The following FOCAD variants were observed in gnomAD, a reference collection of about 807,000 sequenced individuals.
FOCAD encodes KIAA1797.
A neutral mutation model predicts 225.6 loss-of-function variants in FOCAD; 198 were observed. The observed-to-expected ratio is 0.88, with a 90% CI of 0.78 to 0.99. The LOEUF (loss-of-function observed/expected upper bound fraction) is 0.99, where lower values mean the gene tolerates loss of function less well. Among genes scored for constraint, FOCAD ranks in the 50% least tolerant of loss-of-function variants. The pLI is 0.00. For missense variants in FOCAD, 2,713 were observed against 2,123.6 expected (o/e 1.28, Z -5.46); for synonymous variants, 897 against 755.0 (o/e 1.19, Z -3.08).
At chr9:20,840,308 A>G (rs567627084) in intron 15 of FOCAD, among the ~76,000 whole-genome samples, 1 of 151,758 alleles carries the variant, frequency 6.6e-6, no homozygotes, top group Non-Finnish European at 1.5e-5. Context: ...ATATCTTTCT[A>G]TTTATTTTTG....
chr9:20,762,176 G>C lies in FOCAD; in HGVS notation c.495-2693G>C, dbSNP rs1483055578. On this transcript the variant is annotated intron_variant, in intron 6 of 43. Transcript: ENST00000338382. ...ACACCCGGATAGTATTTATTCTTTGGGGAATACATTATTAAAGAGAGATGG... is the reference window on the plus strand; with the variant it reads ...ACACCCGGATAGTATTTATTCTTTGCGGAATACATTATTAAAGAGAGATGG... Among the ~76,000 whole-genome samples the C allele has an allele frequency of 2.0e-5, 3 of 152,232 alleles. No homozygotes were observed. In the South Asian group the frequency reaches 6.2e-4, roughly 32 times the overall value.
chr9:20,946,645 G>A lies in FOCAD; in HGVS notation c.3556-56G>A, dbSNP rs147205398. 9.2e-4 allele frequency: 1,430 copies of A among 1,561,382 alleles called. 13 individuals carry two copies. In the African/African-American group the frequency reaches 0.015, roughly 17 times the overall value. ...GACAGAATATCTTGTCAACTAAACCGAGTTCTTTTATTTTTCCTCCTGAAG... is the reference window on the plus strand; with the variant it reads ...GACAGAATATCTTGTCAACTAAACCAAGTTCTTTTATTTTTCCTCCTGAAG... On this transcript the variant is annotated intron_variant, in intron 29 of 43. Coordinates refer to ENST00000338382, the MANE Select transcript of FOCAD (RefSeq NM_001375567.1).
intron 15 of FOCAD, among the ~76,000 whole-genome samples, chr9:20,837,805 A>G (rs1009664324): frequency 7.2e-5 from 11 of 152,120 alleles, no homozygotes; most frequent in Non-Finnish European, 2.9e-5. Flanking sequence ...TTTCTGTGCT[A>G]TGTAAACATG....
chr9:20,879,816 T>C (rs952871464), intron 19 of FOCAD, among the ~76,000 whole-genome samples: 6 of 152,206 alleles, frequency 3.9e-5, no homozygotes, highest in Non-Finnish European at 7.4e-5. Context: ...TGGGCTGGTG[T>C]TAGGTAAACA....
rs537663009 is a variant in FOCAD at position 20,956,401 on chromosome 9, G to C, written c.4132+3336G>C. ...AGTCAGTATATCTGTATAATACTAA[G>C]TTAAAAGTGTATATAGAAGAAAATA... On this transcript the variant is annotated intron_variant, in intron 35 of 43. Coordinates refer to ENST00000338382, the MANE Select transcript of FOCAD (RefSeq NM_001375567.1). 3.9e-5 allele frequency among the ~76,000 whole-genome samples: 6 copies of C among 152,240 alleles called. No homozygotes were observed. In the South Asian group the frequency reaches 1.2e-3, roughly 32 times the overall value.
intron 11 of FOCAD, among the ~76,000 whole-genome samples, chr9:20,802,656 AT>A (rs1394074741): frequency 1.3e-5 from 2 of 152,162 alleles, no homozygotes; most frequent in Non-Finnish European, 2.9e-5. Flanking sequence ...ATTCAGACTA[AT>A]AGATGAAACA....
At chr9:20,811,267 A>G (rs989800987) in intron 11 of FOCAD, among the ~76,000 whole-genome samples, 2 of 152,068 alleles carry the variant, frequency 1.3e-5, no homozygotes, top group African/African-American at 4.8e-5. Flanking sequence ...TTTTAGTGTT[A>G]GATTGCTTTG....
chr9:20,656,191 T>C (rs1324198677), upstream of FOCAD, among the ~76,000 whole-genome samples: 3 of 150,234 alleles, frequency 2.0e-5, no homozygotes, highest in African/African-American at 7.4e-5. Context: ...AGAGCTTTAC[T>C]TCCAAGTATG....
In FOCAD at chr9:20,799,986, C is replaced by T. The variant is rs564471055; in HGVS notation, c.1455+10378C>T. On this transcript the variant is annotated intron_variant, in intron 11 of 43. Coordinates refer to ENST00000338382, the MANE Select transcript of FOCAD (RefSeq NM_001375567.1). ...GGCATGTTTTTGCAGTGGCTGGTAC[C>T]AGTTGTTCCTTTTCATGTTTAGTGC... Among the ~76,000 whole-genome samples the T allele has an allele frequency of 1.5e-3, 231 of 152,138 alleles. 1 individual carries two copies. Among genetic ancestry groups the T allele is most frequent in the African/African-American group, 5.2e-3 (215 of 41,530 alleles).
intron 19 of FOCAD, among the ~76,000 whole-genome samples, chr9:20,875,988 C>T (rs1157637905): frequency 6.6e-6 from 1 of 152,192 alleles, no homozygotes; most frequent in Non-Finnish European, 1.5e-5. Flanking sequence ...CATAACCATA[C>T]TAGCCTGTAA....
intron 2 of FOCAD, among the ~76,000 whole-genome samples, chr9:20,676,910 C>T (rs1822253160): frequency 6.6e-6 from 1 of 152,076 alleles, no homozygotes; most frequent in Admixed American, 6.5e-5. Flanking sequence ...TAACAAACCA[C>T]AAAAGGCCCT....
At chr9:20,777,594 A>G (rs1195892165) in intron 8 of FOCAD, among the ~76,000 whole-genome samples, 2 of 152,104 alleles carry the variant, frequency 1.3e-5, no homozygotes, top group Admixed American at 1.3e-4. Flanking sequence ...AATATGCTTA[A>G]TGAATTACGG....
At chr9:20,779,929 A>G (rs1819199530) in intron 9 of FOCAD, among the ~76,000 whole-genome samples, 1 of 152,096 alleles carries the variant, frequency 6.6e-6, no homozygotes, top group Middle Eastern at 3.2e-3. Context: ...GCATTTGGCT[A>G]CTGGCTTTAT....
At chr9:20,768,007 G>A (rs1390204772) in intron 7 of FOCAD, among the ~76,000 whole-genome samples, 1 of 151,792 alleles carries the variant, frequency 6.6e-6, no homozygotes, top group African/African-American at 2.4e-5. Flanking sequence ...TTTGTATAAG[G>A]TGTAAGGAAG....
chr9:20,906,873 GT>G (rs1272256871), intron 21 of FOCAD, among the ~76,000 whole-genome samples: 11 of 151,986 alleles, frequency 7.2e-5, no homozygotes, highest in African/African-American at 1.4e-4. Context: ...GGGTTGATTT[GT>G]ATTACATGTA....
intron 27 of FOCAD, 38 bp from the exon 28 acceptor site, chr9:20,932,976 T>G: frequency 6.8e-7 from 1 of 1,460,618 alleles, no homozygotes; most frequent in Non-Finnish European, 9.6e-7. Context: ...GTTGACTAAT[T>G]TTAAATAATT....
chr9:20,840,760 A>G (rs2131562011), intron 15 of FOCAD, among the ~76,000 whole-genome samples: 1 of 152,080 alleles, frequency 6.6e-6, no homozygotes, highest in African/African-American at 2.4e-5. Context: ...TTCTATGTTG[A>G]ATAACACTAG....
chr9:20,827,100 A>G (rs950722320), intron 15 of FOCAD, among the ~76,000 whole-genome samples: 1 of 152,126 alleles, frequency 6.6e-6, no homozygotes, highest in Admixed American at 6.6e-5. Context: ...TAATGAGTTT[A>G]AGTATATTCA....
rs1821978470 is a variant in FOCAD, at chr9:20,802,687, G to T, written c.1455+13079G>T. Among the ~76,000 whole-genome samples the T allele has an allele frequency of 2.0e-5, 3 of 152,094 alleles. No individual in the cohort carries two copies. In the South Asian group the frequency reaches 6.2e-4, roughly 32 times the overall value. On this transcript the variant is annotated intron_variant, in intron 11 of 43. Coordinates refer to ENST00000338382, the MANE Select transcript of FOCAD (RefSeq NM_001375567.1). ...GAAACACTGTAGAGTCCAGGGACAG[G>T]GTTTAGGTTAGGTTAGATTGCAGTA...
Sources: allele counts gnomAD v4.1 joint callset (sites outside exome capture counted in the v4.1 genomes callset), GRCh38; gene constraint gnomAD v4.1.1; transcripts MANE v1.5; gene names NCBI Gene and HGNC (gene_info 2026-07-23, HGNC 2026-07-21).